DOCK10: variants seen among roughly 807,000 people sequenced by gnomAD.
The protein encoded by DOCK10 is dedicator of cytokinesis 10, also known as dedicator of cytokinesis protein 10.
In DOCK10, 145 loss-of-function variants were observed where a neutral mutation model predicts 280.1. The observed-to-expected ratio is 0.52, with a 90% CI of 0.45 to 0.59. The LOEUF (loss-of-function observed/expected upper bound fraction) is 0.59. DOCK10 is among the 20% of genes least tolerant of loss of function. The pLI is 0.00. For synonymous variants in DOCK10, 915 were observed against 942.2 expected (o/e 0.97, Z 0.53); for missense variants, 2,368 against 2,651.7 (o/e 0.89, Z 2.35).
rs117595632 is a variant in DOCK10, at chr2:224,793,387, G to A, written c.5212+13C>T. On this transcript the variant is annotated intron_variant, in intron 46 of 55. Transcript: ENST00000258390. ...TATCTAGGCTTTTTGCCTCCCTCAT[G>A]TGGTCATCTTACCCTTTCTTTTCAG... The A allele has an allele frequency of 3.3e-3, 5,257 of 1,609,842 alleles. 161 individuals are homozygous for A. In the East Asian group the frequency reaches 0.051, roughly 16 times the overall value.
intron 1 of DOCK10, among the ~76,000 whole-genome samples, chr2:224,967,443 T>C (rs898217242): frequency 6.6e-6 from 1 of 152,190 alleles, no homozygotes; most frequent in Admixed American, 6.5e-5. Flanking sequence ...ATGATCTCCA[T>C]AATAAGTAAA....
At chr2:225,016,624 CATAG>C (rs1416665369) in intron 1 of DOCK10, among the ~76,000 whole-genome samples, 26 of 36,214 alleles carry the variant, frequency 7.2e-4, no homozygotes, top group South Asian at 2.5e-3. Context: ...TCTATGTGCA[CATAG>C]ATACATATAT....
At chr2:224,831,875 T>G (rs1203485106) in intron 26 of DOCK10, among the ~76,000 whole-genome samples, 2 of 152,160 alleles carry the variant, frequency 1.3e-5, no homozygotes, top group African/African-American at 4.8e-5. Flanking sequence ...CTATAGGACC[T>G]TGAGCAAGAG....
chr2:224,849,426 G>A, intron 19 of DOCK10, 81 bp downstream of exon 19: 2 of 963,314 alleles, frequency 2.1e-6, no homozygotes, highest in South Asian at 2.9e-5. Context: ...TCTAGAGAGA[G>A]TGTTTTTCAC....
At chr2:224,997,262 C>G (rs1259220808) in intron 1 of DOCK10, among the ~76,000 whole-genome samples, 2 of 141,550 alleles carry the variant, frequency 1.4e-5, no homozygotes, top group Non-Finnish European at 3.1e-5. Context: ...TTCGGAGTCT[C>G]ACTCTGTTGC....
In DOCK10 at chr2:224,786,803, T is replaced by C. The variant is rs902111383; in HGVS notation, c.5655+219A>G. On this transcript the variant is annotated intron_variant, in intron 50 of 55. Coordinates refer to ENST00000258390, the MANE Select transcript of DOCK10 (RefSeq NM_014689.3). This position sits in a 1 kb window ranked among gnomAD's most constrained non-coding sequence, Gnocchi z 4.7. ...TCTTCAAGAAGTTAGAAATCACTGT[T>C]AACTCAACCCATGGATTTCTTTGCT... 2.0e-5 allele frequency among the ~76,000 whole-genome samples: 3 copies of C among 152,206 alleles called. No individual in the cohort carries two copies. Among genetic ancestry groups the C allele is most frequent in the Non-Finnish European group, 4.4e-5 (3 of 68,046 alleles).
At chr2:224,971,108 C>A (rs1348683675) in intron 1 of DOCK10, among the ~76,000 whole-genome samples, 1 of 152,130 alleles carries the variant, frequency 6.6e-6, no homozygotes, top group Non-Finnish European at 1.5e-5. Flanking sequence ...CAGCTGGATT[C>A]TATAATATCA....
chr2:224,917,286 T>C (rs893896081), intron 2 of DOCK10, among the ~76,000 whole-genome samples: 3 of 151,918 alleles, frequency 2.0e-5, no homozygotes, highest in Non-Finnish European at 4.4e-5. Context: ...TTGTATTTTT[T>C]AGTAGAGACA....
chr2:224,815,128 T>C (rs1371279214), intron 30 of DOCK10, among the ~76,000 whole-genome samples: 1 of 152,148 alleles, frequency 6.6e-6, no homozygotes, highest in East Asian at 1.9e-4. Flanking sequence ...CGTGCTGTTC[T>C]CATGACAGTA....
At position 224,808,041 on chromosome 2, in the gene DOCK10, A is replaced by G. The variant is rs375550589; in HGVS notation, c.3455T>C (p.Phe1152Ser). The G allele has an allele frequency of 2.4e-5, 38 of 1,612,754 alleles. No individual in the cohort carries two copies. Among genetic ancestry groups the G allele is most frequent in the Non-Finnish European group, 3.1e-5 (36 of 1,179,292 alleles). The change falls in exon 32 of 56, where the codon TTC becomes TCC. Residue 1152 changes from phenylalanine (F) to serine (S), a missense_variant. Physicochemically the swap from Phe to Ser is radical, Grantham distance 155. This residue lies in a region of DOCK10 where 1,159 missense variants were observed against 1,400.8 expected (regional missense o/e 0.83). Transcript: ENST00000258390. ...SVTNEFCRKH[F>S]LIGILLREVG... Reference sequence around the variant, plus strand: ...TTCTCGGAGCAGAATTCCGATTAAGAAGTGTTTGCGACAAAATTCATTTGT... The same window carrying G: ...TTCTCGGAGCAGAATTCCGATTAAGGAGTGTTTGCGACAAAATTCATTTGT...
In DOCK10 at chr2:224,854,964, T is replaced by C. The variant is rs1401312542; in HGVS notation, c.1887A>G (p.Pro629=). Residue 629 remains proline, a splice_region_variant and synonymous_variant, in exon 16 of 56, where the codon CCA becomes CCG. Transcript: ENST00000258390. ...CAAACCATGACATCATCATCATACTTGGATGCTCCAAGGGAACGTTGTCAA... is the reference window on the plus strand; with the variant it reads ...CAAACCATGACATCATCATCATACTCGGATGCTCCAAGGGAACGTTGTCAA... ...IAVDNVPLEH[P]NCVTSSFIPV... The C allele has an allele frequency of 1.2e-6, 2 of 1,606,482 alleles. No individual in the cohort carries two copies. The highest frequency in any genetic ancestry group is 1.7e-6 in the Non-Finnish European group (2 of 1,175,524).
At chr2:224,869,919 T>C (rs539038275) in intron 11 of DOCK10, among the ~76,000 whole-genome samples, 8 of 152,318 alleles carry the variant, frequency 5.3e-5, no homozygotes, top group Non-Finnish European at 4.4e-5. Flanking sequence ...CATTTAAATA[T>C]GTTCTGGGTC....
At position 224,992,194 on chromosome 2, in the gene DOCK10, G is replaced by A. The variant is rs187555637; in HGVS notation, c.123+50058C>T. On this transcript the variant is annotated intron_variant, in intron 1 of 55. Transcript: ENST00000258390. ...ACACGGGATAAATGAACTATTAACTGTACTCTCTGTACTTGTTCTATTTTA... is the reference window on the plus strand; with the variant it reads ...ACACGGGATAAATGAACTATTAACTATACTCTCTGTACTTGTTCTATTTTA... Among the ~76,000 whole-genome samples the A allele has an allele frequency of 5.5e-4, 84 of 152,272 alleles. No homozygotes were observed. The East Asian group carries it at 0.014, about 25-fold the overall frequency.
chr2:224,853,039 C>A lies in DOCK10; in HGVS notation c.1972G>T (p.Val658Phe). The A allele has an allele frequency of 6.2e-7, 1 of 1,611,988 alleles. No homozygotes were observed. The highest frequency in any genetic ancestry group is 1.1e-5 in the South Asian group (1 of 90,818). ...TEPTVEVEEF[V>F]YDSTKYCRPY... is the part of the protein sequence containing the mutation. ...CGACAATACTTTGTTGAATCGTAAA[C>A]AAATTCTTCCACCTCCACTGTGGGT... is the stretch of plus-strand genomic sequence containing the variant. The change falls in exon 17 of 56, where the codon GTT becomes TTT. Residue 658 changes from valine to phenylalanine, a missense_variant. This residue lies in a region of DOCK10 where 1,209 missense variants were observed against 1,250.9 expected (regional missense o/e 0.97). Coordinates refer to ENST00000258390, the MANE Select transcript of DOCK10 (RefSeq NM_014689.3).
chr2:224,952,256 G>A (rs546790407), intron 1 of DOCK10, among the ~76,000 whole-genome samples: 17 of 152,292 alleles, frequency 1.1e-4, no homozygotes, highest in East Asian at 7.7e-4. Flanking sequence ...TTTTGTATGC[G>A]TGTGTTTTAA....
chr2:224,791,627 G>A (rs1692202165), intron 47 of DOCK10, among the ~76,000 whole-genome samples: 1 of 132,974 alleles, frequency 7.5e-6, no homozygotes, highest in African/African-American at 2.9e-5. Flanking sequence ...ACCACGCCCG[G>A]CTAATTTTTT....
intron 45 of DOCK10, among the ~76,000 whole-genome samples, chr2:224,793,869 C>T (rs1692375388): frequency 6.6e-6 from 1 of 152,040 alleles, no homozygotes; most frequent in South Asian, 2.1e-4. Context: ...CTGGAATAGC[C>T]CCTCTGAATT....
chr2:225,003,131 C>T (rs1031139100), intron 1 of DOCK10, among the ~76,000 whole-genome samples: 5 of 152,180 alleles, frequency 3.3e-5, no homozygotes, highest in Admixed American at 2.6e-4. Flanking sequence ...ACTGCAGCTT[C>T]GACTTCCTGA....
chr2:224,905,886 C>T (rs1188105333), intron 3 of DOCK10, among the ~76,000 whole-genome samples: 2 of 152,056 alleles, frequency 1.3e-5, no homozygotes, highest in Non-Finnish European at 2.9e-5. Context: ...TCAGTTCCAG[C>T]CCAATTCTCT....
Sources: allele counts gnomAD v4.1 joint callset (sites outside exome capture counted in the v4.1 genomes callset), GRCh38; gene constraint gnomAD v4.1.1; regional missense constraint gnomAD v4.1.1; non-coding constraint Gnocchi (gnomAD v3.1); transcripts MANE v1.5; gene names NCBI Gene and HGNC (gene_info 2026-07-23, HGNC 2026-07-21).